RNASEL: variants seen among roughly 807,000 people sequenced by gnomAD.
RNASEL encodes the protein 2-5A-dependent ribonuclease.
In RNASEL, 36 loss-of-function variants were observed where a neutral mutation model predicts 50.9. The ratio of observed to expected loss-of-function variants is 0.71; its 90% CI spans 0.54 to 0.93. The LOEUF is 0.93. RNASEL is among the 40% of genes least tolerant of loss of function. RNASEL has a pLI of 0.00. For synonymous variants in RNASEL, 335 were observed against 335.6 expected, an observed-to-expected ratio of 1.00 and a Z score of 0.02; for missense variants, 860 against 894.5, an observed-to-expected ratio of 0.96 and a Z score of 0.49.
rs1252677870 is a variant in RNASEL at position 182,586,332 on chromosome 1, C to T, written c.475G>A (p.Glu159Lys). Residue 159 changes from glutamate to lysine, a missense_variant, in exon 2 of 7, where the codon GAG becomes AAG. Glu to Lys is a moderately conservative substitution (Grantham distance 56). Coordinates refer to ENST00000367559, the MANE Select transcript of RNASEL (RefSeq NM_021133.4). Reference sequence around the variant, plus strand: ...CCTTTCCTCAGCCGCTCTTGATCCTCCTTTGTCTTTCGCCTCAAATTCACA... The same window carrying T: ...CCTTTCCTCAGCCGCTCTTGATCCTTCTTTGTCTTTCGCCTCAAATTCACA... Reference protein sequence around the residue: ...ANVNLRRKTKEDQERLRKGGA... With the variant: ...ANVNLRRKTKKDQERLRKGGA... 4.3e-6 allele frequency: 7 copies of T among 1,614,218 alleles called. No individual in the cohort carries two copies. The highest frequency in any genetic ancestry group is 5.9e-6 in the Non-Finnish European group (7 of 1,180,044).
chr1:182,578,498 A>G lies in RNASEL; in HGVS notation c.1906-2109T>C, dbSNP rs555379985. On this transcript the variant is annotated intron_variant, in intron 5 of 6. Transcript: ENST00000367559. ...CAGATGTTGATGAGGATGCAGAGAA[A>G]AGAATGTACTGAGTATCTGCCAAAA... The G allele has an allele frequency of 3.9e-5, 6 of 152,344 alleles. No homozygotes were observed. In the South Asian group the frequency reaches 1.2e-3, roughly 32 times the overall value. The allele number at this position is 152,344 out of a possible 1,614,324, so 9.4% of individuals were successfully genotyped here.
intron 6 of RNASEL, 64 bp downstream of exon 6, chr1:182,576,192 G>T: frequency 1.3e-6 from 2 of 1,529,732 alleles, no homozygotes; most frequent in Non-Finnish European, 9.0e-7. Flanking sequence ...TATAAACTTA[G>T]AATTGGATTT....
At chr1:182,583,941 T>C in intron 3 of RNASEL, 140 bp downstream of exon 3, 1 of 716,558 alleles carries the variant, frequency 1.4e-6, no homozygotes, top group Admixed American at 2.0e-5. Context: ...GTTGTGACCG[T>C]GTGAGTCAAT....
chr1:182,584,006 C>G, intron 3 of RNASEL, 75 bp downstream of exon 3: 3 of 1,084,924 alleles, frequency 2.8e-6, no homozygotes, highest in Non-Finnish European at 4.3e-6. Flanking sequence ...TTCTGTCCCT[C>G]TAGAGAACCC....
At chr1:182,579,711 A>G in intron 5 of RNASEL, 24 of 1,171,484 alleles carry the variant, frequency 2.0e-5, no homozygotes, top group Non-Finnish European at 2.0e-5. Context: ...ATTCAATATA[A>G]GCCCATGGAA....
intron 5 of RNASEL, 142 bp downstream of exon 5, chr1:182,581,083 G>C: frequency 1.6e-6 from 2 of 1,212,220 alleles, no homozygotes; most frequent in Non-Finnish European, 2.4e-6. Flanking sequence ...TAGGGGGATA[G>C]GGATGGGAGG....
Position 182,576,370 on chromosome 1 carries a change from T to G in RNASEL, c.1925A>C (p.Lys642Thr), listed in dbSNP as rs1005376550. 1 of 1,584,640 alleles carries G rather than the reference T, an allele frequency of 6.3e-7. No individual in the cohort carries two copies. The highest frequency in any genetic ancestry group is 8.7e-7 in the Non-Finnish European group (1 of 1,155,156). ...WTTKINECVMKKMNKFYEKRG... is the reference protein window; with the variant it reads ...WTTKINECVMTKMNKFYEKRG... ...TTTTTCATAAAACTTATTCATTTTTTTCATAACACATTCATTAATCTAAAA... is the reference window on the plus strand; with the variant it reads ...TTTTTCATAAAACTTATTCATTTTTGTCATAACACATTCATTAATCTAAAA... The change falls in exon 6 of 7, where the codon AAA becomes ACA. Residue 642 changes from lysine to threonine, a missense_variant. Physicochemically the swap from Lys to Thr is moderately conservative, Grantham distance 78. Coordinates refer to ENST00000367559, the MANE Select transcript of RNASEL (RefSeq NM_021133.4).
Position 182,586,155 on chromosome 1 carries a change from C to T in RNASEL, c.652G>A (p.Val218Met). 6.2e-7 allele frequency: 1 copy of T among 1,614,228 alleles called. No individual in the cohort carries two copies. Among genetic ancestry groups the T allele is most frequent in the Non-Finnish European group, 8.5e-7 (1 of 1,180,048 alleles). ...AGCAGCAGATGCGTAATAGCCTCCA[C>T]ATCACTATCGTCAGAGCTCAGGAGA... ...HALLSSDDSD[V>M]EAITHLLLDH... is the part of the protein sequence containing the mutation. Residue 218 changes from valine (V) to methionine (M), a missense_variant, in exon 2 of 7, where the codon GTG becomes ATG. By Grantham distance (21) the Val-to-Met change is conservative. Coordinates refer to ENST00000367559, the MANE Select transcript of RNASEL (RefSeq NM_021133.4).
Position 182,574,263 on chromosome 1 carries a change from G to A in RNASEL, c.*1129C>T, listed in dbSNP as rs115044380. The A allele has an allele frequency of 4.9e-3, 1,111 of 224,954 alleles. 14 individuals carry two copies. Among genetic ancestry groups the A allele is most frequent in the African/African-American group, 0.023 (1,017 of 44,968 alleles). The allele number at this position is 224,954 out of a possible 1,614,324, so 13.9% of individuals were successfully genotyped here. ...ACAAAGTCAAGAAAAGACAGCCATC[G>A]CCCGTGAGGAGCCTACATTCCAGTG... On this transcript the variant is annotated 3_prime_UTR_variant, in exon 7 of 7. Transcript: ENST00000367559.
intron 5 of RNASEL, among the ~76,000 whole-genome samples, chr1:182,577,968 G>A (rs1190647353): frequency 6.6e-6 from 1 of 152,042 alleles, no homozygotes; most frequent in African/African-American, 2.4e-5. Context: ...CTCTCTCAGT[G>A]TATACAAAAA....
chr1:182,584,188 C>G (rs1050576682), intron 2 of RNASEL, 22 bp from the exon 3 acceptor site: 2 of 1,529,580 alleles, frequency 1.3e-6, no homozygotes, highest in African/African-American at 2.7e-5. Context: ...TTTGCAGAGG[C>G]ACATTGAAAA....
chr1:182,575,686 A>T (rs1208414655), intron 6 of RNASEL, 108 bp from the exon 7 acceptor site: 1 of 1,397,004 alleles, frequency 7.2e-7, no homozygotes, highest in Middle Eastern at 1.8e-4. Context: ...CTATTGCAGA[A>T]TGAATAAGGA....
At chr1:182,583,715 C>T (rs2102368553) in intron 3 of RNASEL, among the ~76,000 whole-genome samples, 1 of 152,254 alleles carries the variant, frequency 6.6e-6, no homozygotes. Flanking sequence ...TTCTCCCGTG[C>T]TGGATGCTTC....
chr1:182,576,032 A>G (rs1661370441), intron 6 of RNASEL, among the ~76,000 whole-genome samples: 1 of 152,204 alleles, frequency 6.6e-6, no homozygotes, highest in Non-Finnish European at 1.5e-5. Context: ...TTGTTTTACC[A>G]TTTATCCAAC....
rs758668776 is a variant in RNASEL, at chr1:182,586,785, T to G, written c.22A>C (p.Asn8His). The G allele has an allele frequency of 2.5e-6, 4 of 1,614,242 alleles. No homozygotes were observed. In the East Asian group the frequency reaches 6.7e-5, roughly 27 times the overall value. ...GAGGACGTGGGTCCCTCCTGGGGGT[T>G]GTTATGATCCCTGCTCTCCATGACG... MESRDHN[N>H]PQEGPTSSSG... is the part of the protein sequence containing the mutation. The change falls in exon 2 of 7, where the codon AAC (asparagine) becomes CAC (histidine). Residue 8 changes from asparagine (N) to histidine (H), a missense_variant. Asn to His is a moderately conservative substitution (Grantham distance 68, BLOSUM62 1). Coordinates refer to ENST00000367559, the MANE Select transcript of RNASEL (RefSeq NM_021133.4).
intron 6 of RNASEL, 58 bp downstream of exon 6, chr1:182,576,198 G>T: frequency 6.5e-7 from 1 of 1,548,360 alleles, no homozygotes; most frequent in South Asian, 1.2e-5. Flanking sequence ...CTTAGAATTG[G>T]ATTTTTTAAA....
chr1:182,586,108 A>T lies in RNASEL; in HGVS notation c.699T>A (p.Asn233Lys). The T allele has an allele frequency of 6.2e-7, 1 of 1,614,100 alleles. No homozygotes were observed. Among genetic ancestry groups the T allele is most frequent in the Non-Finnish European group, 8.5e-7 (1 of 1,180,006 alleles). ...GAGTCTTCCCTCTTTCTCCCCTCAC[A>T]TTGACATCAGCCCCATGGTCCAGCA... ...HLLLDHGADV[N>K]VRGERGKTPL... The change falls in exon 2 of 7, where the codon AAT becomes AAA. Residue 233 changes from asparagine to lysine, a missense_variant. Physicochemically the swap from Asn to Lys is moderately conservative, Grantham distance 94. Coordinates refer to ENST00000367559, the MANE Select transcript of RNASEL (RefSeq NM_021133.4).
intron 3 of RNASEL, among the ~76,000 whole-genome samples, chr1:182,583,475 G>A (rs961680765): frequency 2.6e-5 from 4 of 152,194 alleles, no homozygotes; most frequent in African/African-American, 4.8e-5. Flanking sequence ...GAACTGTGAC[G>A]GTTAATATTG....
chr1:182,584,956 T>C (rs1471449843), intron 2 of RNASEL, among the ~76,000 whole-genome samples: 1 of 152,242 alleles, frequency 6.6e-6, no homozygotes, highest in Non-Finnish European at 1.5e-5. Flanking sequence ...TCCTCAACTT[T>C]GACCTCAATT....
Sources: allele counts gnomAD v4.1 joint callset (sites outside exome capture counted in the v4.1 genomes callset), GRCh38; gene constraint gnomAD v4.1.1; transcripts MANE v1.5; gene names NCBI Gene and HGNC (gene_info 2026-07-23, HGNC 2026-07-21).